Variants in PCNX3 observed in about 807,000 individuals in gnomAD.
PCNX3 encodes the protein pecanex 3, also known as pecanex-like protein 3.
A neutral mutation model predicts 207.2 loss-of-function variants in PCNX3; 58 were observed. That is an observed-to-expected ratio of 0.28 (90% CI 0.23 to 0.35). The LOEUF is 0.35. PCNX3 is among the 10% of genes least tolerant of loss of function. The pLI is 1.00. For synonymous variants in PCNX3, 1,337 were observed against 1,183.5 expected (o/e 1.13, Z -2.66); for missense variants, 2,410 against 2,774.4 (o/e 0.87, Z 2.95).
At chr11:65,626,257 C>A in intron 20 of PCNX3, 1 of 768,348 alleles carries the variant, frequency 1.3e-6, no homozygotes, top group Non-Finnish European at 2.2e-6. Flanking sequence ...CCCTGCTGTG[C>A]CCTTCCCTTG....
rs747250753 is a variant in PCNX3, at chr11:65,634,290, C to T, written c.4635C>T (p.Leu1545=). 1.9e-6 allele frequency: 3 copies of T among 1,610,690 alleles called. No homozygotes were observed. The highest frequency in any genetic ancestry group is 2.5e-6 in the Non-Finnish European group (3 of 1,178,784). ...ACTATGACCTCCGCCTGTCTGGCCTCTCGCTGCCCTCCTTTTGTGCTGTGC... is the reference window on the plus strand; with the variant it reads ...ACTATGACCTCCGCCTGTCTGGCCTTTCGCTGCCCTCCTTTTGTGCTGTGC... The part of the protein sequence containing the change: ...DEDYDLRLSG[L]SLPSFCAVHL... The change falls in exon 28 of 35, where the codon CTC becomes CTT. Residue 1545 remains leucine (L), a synonymous_variant. Coordinates refer to ENST00000355703, the MANE Select transcript of PCNX3 (RefSeq NM_032223.4).
intron 29 of PCNX3, 96 bp from the exon 30 acceptor site, chr11:65,634,877 C>T (rs1855763900): frequency 3.4e-6 from 5 of 1,458,558 alleles, no homozygotes; most frequent in Non-Finnish European, 3.7e-6. Flanking sequence ...AACTGAGGCT[C>T]AGCGTGAGGA....
rs1855306769 is a variant in PCNX3, at chr11:65,625,005, G to A, written c.2908G>A (p.Gly970Arg). 6.2e-7 allele frequency: 1 copy of A among 1,612,484 alleles called. No homozygotes were observed. Among genetic ancestry groups the A allele is most frequent in the Non-Finnish European group, 8.5e-7 (1 of 1,179,560 alleles). The change falls in exon 16 of 35, where the codon GGG becomes AGG. Residue 970 changes from glycine (G) to arginine (R), a missense_variant. Coordinates refer to ENST00000355703, the MANE Select transcript of PCNX3 (RefSeq NM_032223.4). This position sits in a 1 kb window ranked among gnomAD's most constrained non-coding sequence, Gnocchi z 5.6. ...AAALLYGFCL[G>R]AIKTPWPEQH... ...TGCCCTGCTCTACGGTTTCTGCCTTGGGGCCATCAAGGTAGGGGTGGCTTG... is the reference window on the plus strand; with the variant it reads ...TGCCCTGCTCTACGGTTTCTGCCTTAGGGCCATCAAGGTAGGGGTGGCTTG...
In PCNX3 at chr11:65,635,075, C is replaced by T. The variant is rs374021817; in HGVS notation, c.4908C>T (p.His1636=). Reference sequence around the variant, plus strand: ...TCTTTGCCGACATGGACCTGCTTCACCGCGTTGTGGCGCCTGGGGTTCGCA... The same window carrying T: ...TCTTTGCCGACATGGACCTGCTTCATCGCGTTGTGGCGCCTGGGGTTCGCA... ...EWVFADMDLL[H]RVVAPGVRMA... is the part of the protein sequence containing the mutation. The change falls in exon 30 of 35, where the codon CAC becomes CAT. Residue 1636 remains histidine (H), a synonymous_variant. Coordinates refer to ENST00000355703, the MANE Select transcript of PCNX3 (RefSeq NM_032223.4). The surrounding 1 kb of genome is among the most constrained non-coding windows in gnomAD (Gnocchi z 9.9). 1.2e-6 allele frequency: 2 copies of T among 1,613,744 alleles called. No homozygotes were observed. Among genetic ancestry groups the T allele is most frequent in the Admixed American group, 3.3e-5 (2 of 59,988 alleles).
intron 20 of PCNX3, 27 bp from the exon 21 acceptor site, chr11:65,626,877 G>C (rs1157151498): frequency 6.4e-7 from 1 of 1,571,784 alleles, no homozygotes; most frequent in Admixed American, 1.9e-5. Context: ...TGGAAGCCAG[G>C]TGCAGAGTCC....
rs373989024 is a variant in PCNX3 at position 65,636,695 on chromosome 11, G to T, written c.5892+6G>T. ...GAGGTACCCCCAAATCTCAGGTAAG[G>T]CACCTGTGGGAGGGTTGGGTCCCAG... On this transcript the variant is annotated splice_donor_region_variant and intron_variant, in intron 34 of 34. Coordinates refer to ENST00000355703, the MANE Select transcript of PCNX3 (RefSeq NM_032223.4). 2.7e-4 allele frequency: 429 copies of T among 1,572,510 alleles called. 1 individual carries two copies. In the African/African-American group the frequency reaches 3.9e-3, roughly 14 times the overall value.
rs1007391522 is a variant in PCNX3, at chr11:65,635,262, A to G, written c.4998A>G (p.Leu1666=). 26 of 1,588,458 alleles carry G rather than the reference A, an allele frequency of 1.6e-5. No homozygotes were observed. Among genetic ancestry groups the G allele is most frequent in the Non-Finnish European group, 1.9e-5 (22 of 1,167,866 alleles). Residue 1666 remains leucine, a synonymous_variant, in exon 31 of 35, where the codon CTA becomes CTG. Transcript: ENST00000355703. The surrounding 1 kb of genome is among the most constrained non-coding windows in gnomAD (Gnocchi z 9.9). Reference sequence around the variant, plus strand: ...ATGAATATGAGGAGCCAGCAGCCCTATACGATGCCATTGCGGCCAACGAGG... The same window carrying G: ...ATGAATATGAGGAGCCAGCAGCCCTGTACGATGCCATTGCGGCCAACGAGG... The part of the protein sequence containing the change: ...SPDEYEEPAA[L]YDAIAANEER...
chr11:65,621,452 C>T (rs1310413508), intron 10 of PCNX3, among the ~76,000 whole-genome samples: 2 of 152,240 alleles, frequency 1.3e-5, no homozygotes, highest in African/African-American at 4.8e-5. Flanking sequence ...AATCTATTAA[C>T]ACCAGAAGCG....
chr11:65,618,876 G>C lies in PCNX3; in HGVS notation c.1514G>C (p.Ser505Thr). The change falls in exon 6 of 35, where the codon AGC becomes ACC. Residue 505 changes from serine to threonine, a missense_variant. By Grantham distance (58) the Ser-to-Thr change is moderately conservative. Transcript: ENST00000355703. ...GCTAAAACACATGCCCGTGTGCTGA[G>C]CATGGATGGGGCTGGGGGTGATGTT... is the stretch of plus-strand genomic sequence containing the variant. ...ASAKTHARVL[S>T]MDGAGGDVLR... is the part of the protein sequence containing the mutation. The C allele has an allele frequency of 6.2e-7, 1 of 1,610,720 alleles. No homozygotes were observed.
chr11:65,635,543 C>T lies in PCNX3; in HGVS notation c.5199C>T (p.Cys1733=), dbSNP rs769469506. The stretch of plus-strand genomic sequence containing the variant: ...GTGGCTCTCAGGTGAACCGGGAGTG[C>T]GTGCGCGGCCTGTGGGCCGGGCAGC... The part of the protein sequence containing the change: ...SFRVIKVNRE[C]VRGLWAGQQQ... The change falls in exon 32 of 35, where the codon TGC becomes TGT. Residue 1733 remains cysteine, a synonymous_variant. Coordinates refer to ENST00000355703, the MANE Select transcript of PCNX3 (RefSeq NM_032223.4). This position sits in a 1 kb window ranked among gnomAD's most constrained non-coding sequence, Gnocchi z 9.9. 4.3e-6 allele frequency: 7 copies of T among 1,610,698 alleles called. No individual in the cohort carries two copies. Among genetic ancestry groups the T allele is most frequent in the South Asian group, 2.2e-5 (2 of 91,016 alleles).
chr11:65,616,261 C>T lies in PCNX3; in HGVS notation c.-51C>T. ...GCCAGACGGGGCATGGGCCGGGGGC[C>T]GCCCCCATGAGGGTCCCGGGAGGGG... On this transcript the variant is annotated 5_prime_UTR_variant, in exon 1 of 35. Coordinates refer to ENST00000355703, the MANE Select transcript of PCNX3 (RefSeq NM_032223.4). 4.1e-6 allele frequency: 6 copies of T among 1,450,342 alleles called. No individual in the cohort carries two copies. Among genetic ancestry groups the T allele is most frequent in the Non-Finnish European group, 5.5e-6 (6 of 1,097,018 alleles). The allele number at this position is 1,450,342 out of a possible 1,614,324, so 89.8% of individuals were successfully genotyped here. A position where few individuals can be genotyped will look rare whatever the true frequency, so the allele number is the denominator to read the frequency against.
At position 65,620,333 on chromosome 11, in the gene PCNX3, C is replaced by A; in HGVS notation, c.2009-6C>A. 6.2e-7 allele frequency: 1 copy of A among 1,612,000 alleles called. No homozygotes were observed. Among genetic ancestry groups the A allele is most frequent in the East Asian group, 2.2e-5 (1 of 44,850 alleles). Reference sequence around the variant, plus strand: ...ACGCTGCCTCATCTCCCATACCCTGCCCCAGGTGTGCGGCGTTCCTACACC... The same window carrying A: ...ACGCTGCCTCATCTCCCATACCCTGACCCAGGTGTGCGGCGTTCCTACACC... On this transcript the variant is annotated splice_region_variant and splice_polypyrimidine_tract_variant and intron_variant, in intron 8 of 34. Transcript: ENST00000355703.
At position 65,616,365 on chromosome 11, in the gene PCNX3, C is replaced by G; in HGVS notation, c.54C>G (p.Thr18=). 6.2e-7 allele frequency: 1 copy of G among 1,606,004 alleles called. No individual in the cohort carries two copies. Residue 18 remains threonine (T), a synonymous_variant, in exon 1 of 35, where the codon ACC becomes ACG. Transcript: ENST00000355703. ...GCCAGGGGGTGTGGGCCTCGCTCAC[C>G]GGCGGTTGGTTCTTCGACCCGCACC... ...ILRQGVWASL[T]GGWFFDPHQS... is the part of the protein sequence containing the mutation.
chr11:65,627,617 T>C (rs558515777), intron 22 of PCNX3, 35 bp downstream of exon 22: 2 of 1,607,350 alleles, frequency 1.2e-6, no homozygotes, highest in South Asian at 2.2e-5. Context: ...CCCCAGGCTG[T>C]CCAATGGGAG....
In PCNX3 at chr11:65,625,666, C is replaced by T. The variant is rs779831472; in HGVS notation, c.3150C>T (p.His1050=). The change falls in exon 19 of 35, where the codon CAC becomes CAT. Residue 1050 remains histidine (H), a synonymous_variant. Coordinates refer to ENST00000355703, the MANE Select transcript of PCNX3 (RefSeq NM_032223.4). This position sits in a 1 kb window ranked among gnomAD's most constrained non-coding sequence, Gnocchi z 5.6. ...TGGCCCTGCAGCGTGAGGTCTTGCA[C>T]TCCGACCTGGTGATGTGTGTGGTGA... is the stretch of plus-strand genomic sequence containing the variant. ...KMRQSVREVL[H]SDLVMCVVIA... 5 of 1,613,102 alleles carry T rather than the reference C, an allele frequency of 3.1e-6. No homozygotes were observed. Among genetic ancestry groups the T allele is most frequent in the East Asian group, 2.2e-5 (1 of 44,878 alleles).
intron 8 of PCNX3, 131 bp from the exon 9 acceptor site, chr11:65,620,208 G>A: frequency 2.0e-6 from 2 of 1,021,374 alleles, no homozygotes; most frequent in Non-Finnish European, 2.8e-6. Flanking sequence ...TTCCTCTCCA[G>A]AGGCTGGGCT....
intron 22 of PCNX3, among the ~76,000 whole-genome samples, chr11:65,628,248 C>T (rs543094073): frequency 6.6e-6 from 1 of 152,376 alleles, no homozygotes; most frequent in African/African-American, 2.4e-5. Flanking sequence ...GCTTCAGCCT[C>T]ACCAGTGACC....
At position 65,627,590 on chromosome 11, in the gene PCNX3, G is replaced by A; in HGVS notation, c.3702+8G>A. 5 of 1,613,586 alleles carry A rather than the reference G, an allele frequency of 3.1e-6. No homozygotes were observed. The South Asian group carries it at 3.3e-5, about 11-fold the overall frequency. On this transcript the variant is annotated splice_region_variant and intron_variant, in intron 22 of 34. Transcript: ENST00000355703. ...TCCCTGCTTTGCAGCAAGGTGAGTT[G>A]GTGGCTGTGGCCCAGACCCCAGGCT...
At chr11:65,627,678 C>T in intron 22 of PCNX3, 96 bp downstream of exon 22, 1 of 1,439,562 alleles carries the variant, frequency 6.9e-7, no homozygotes, top group East Asian at 2.3e-5. Flanking sequence ...GGGCCTGTGG[C>T]CACCGCTCTG....
Sources: allele counts gnomAD v4.1 joint callset (sites outside exome capture counted in the v4.1 genomes callset), GRCh38; gene constraint gnomAD v4.1.1; non-coding constraint Gnocchi (gnomAD v3.1); transcripts MANE v1.5; gene names NCBI Gene and HGNC (gene_info 2026-07-23, HGNC 2026-07-21).